Variants in CAPRIN2 observed in about 807,000 individuals in gnomAD.
CAPRIN2 encodes the protein caprin family member 2, also known as caprin-2.
Under a neutral mutation model 130.4 loss-of-function variants are expected in CAPRIN2, and 66 were observed. The ratio of observed to expected loss-of-function variants is 0.51; its 90% CI spans 0.42 to 0.62. CAPRIN2 has a LOEUF of 0.62. Among genes scored for constraint, CAPRIN2 ranks in the 20% least tolerant of loss-of-function variants. The pLI is 0.00. For synonymous variants in CAPRIN2, 471 were observed against 444.1 expected, an observed-to-expected ratio of 1.06 and a Z score of -0.76; for missense variants, 1,185 against 1,246.6, an observed-to-expected ratio of 0.95 and a Z score of 0.74.
In CAPRIN2 at chr12:30,720,912, T is replaced by A; in HGVS notation, c.2047A>T (p.Thr683Ser). The A allele has an allele frequency of 1.2e-6, 2 of 1,605,324 alleles. No homozygotes were observed. Among genetic ancestry groups the A allele is most frequent in the Non-Finnish European group, 1.7e-6 (2 of 1,172,106 alleles). The change falls in exon 12 of 17, where the codon ACT becomes TCT. Residue 683 changes from threonine to serine, a missense_variant. Coordinates refer to ENST00000298892, the Ensembl canonical transcript of CAPRIN2. Reference sequence around the variant, plus strand: ...GAGCTACAAGTAACTGGAGAAGAAGTAGCCTAGACACAGGAAAATACAAAA... The same window carrying A: ...GAGCTACAAGTAACTGGAGAAGAAGAAGCCTAGACACAGGAAAATACAAAA...
chr12:30,743,251 T>C (rs182113571), intron 2 of CAPRIN2, among the ~76,000 whole-genome samples: 28 of 152,028 alleles, frequency 1.8e-4, no homozygotes, highest in African/African-American at 6.7e-4. Context: ...GATGCTTAAA[T>C]CAGCATTTTA....
rs1179866374 is a variant in CAPRIN2 at position 30,720,804 on chromosome 12, C to T, written c.2148+7G>A. The T allele has an allele frequency of 3.2e-6, 5 of 1,539,182 alleles. No individual in the cohort carries two copies. The South Asian group carries it at 5.6e-5, about 17-fold the overall frequency. On this transcript the variant is annotated splice_region_variant and intron_variant, in intron 12 of 16. Coordinates refer to ENST00000298892, the Ensembl canonical transcript of CAPRIN2. ...TACAAAAGAAATTAAGACAATTGGT[C>T]TTTTACCTCAGGAGTCTCTGAGGTC... is the stretch of plus-strand genomic sequence containing the variant.
chr12:30,709,870 C>G, exon 17 of CAPRIN2: 2 of 1,565,118 alleles, frequency 1.3e-6, no homozygotes, highest in Non-Finnish European at 8.7e-7. Context: ...AATTAGAACA[C>G]CATCCTTTTA....
At position 30,713,799 on chromosome 12, in the gene CAPRIN2, G is replaced by A. The variant is rs201587220; in HGVS notation, c.2587C>T (p.Pro863Ser). 771 of 1,597,344 alleles carry A rather than the reference G, an allele frequency of 4.8e-4. No homozygotes were observed. The highest frequency in any genetic ancestry group is 5.6e-4 in the Non-Finnish European group (657 of 1,165,532). Residue 863 changes from proline (P) to serine (S), a missense_variant, in exon 15 of 17, where the codon CCT becomes TCT. Coordinates refer to ENST00000298892, the Ensembl canonical transcript of CAPRIN2. ...TTCTTACTTACCCTTTGGGAATAAG[G>A]TGCTCCAGAATACTCTCTAGCTTGG... is the stretch of plus-strand genomic sequence containing the variant.
intron 11 of CAPRIN2, among the ~76,000 whole-genome samples, chr12:30,721,957 T>C (rs934660979): frequency 5.3e-5 from 8 of 152,344 alleles, no homozygotes; most frequent in Admixed American, 5.2e-4. Flanking sequence ...TTTCTAAAAC[T>C]AGGTCGTTCT....
exon 1 of CAPRIN2, chr12:30,753,487 G>T (rs1282330476): frequency 1.9e-6 from 3 of 1,614,074 alleles, no homozygotes; most frequent in Admixed American, 1.7e-5. Context: ...TCCCCATGCT[G>T]ACTGTGGTTC....
Position 30,713,846 on chromosome 12 carries a change from CCATT to C in CAPRIN2, c.2536_2539del (p.Asn846GlufsTer51). 1 of 1,610,806 alleles carries C rather than the reference CCATT, an allele frequency of 6.2e-7. No homozygotes were observed. The highest frequency in any genetic ancestry group is 8.5e-7 in the Non-Finnish European group (1 of 1,177,356). On this transcript the variant is annotated frameshift_variant, in exon 15 of 17. Transcript: ENST00000298892. LOFTEE classifies it high-confidence loss of function. ...TTGGAACTGCAGCTGGCTATAATTT[CCATT>C]GGAAATTGAAGGGAGTCCTCTATAA... is the stretch of plus-strand genomic sequence containing the variant.
chr12:30,754,042 C>G, exon 1 of CAPRIN2: 1 of 339,044 alleles, frequency 2.9e-6, no homozygotes, highest in Non-Finnish European at 5.4e-6. Context: ...GCCCTAACCT[C>G]AATCCTGAAC....
chr12:30,746,855 C>T (rs2070753098), intron 2 of CAPRIN2, among the ~76,000 whole-genome samples: 1 of 152,176 alleles, frequency 6.6e-6, no homozygotes, highest in South Asian at 2.1e-4. Flanking sequence ...TCAAGTTAGC[C>T]AGAAAGTCTA....
Position 30,710,148 on chromosome 12 carries a change from A to G in CAPRIN2, c.2988T>C (p.Val996=), listed in dbSNP as rs777431817. Residue 996 remains valine (V), a synonymous_variant, in exon 17 of 17, where the codon GTT becomes GTC. Transcript: ENST00000298892. This position sits in a 1 kb window ranked among gnomAD's most constrained non-coding sequence, Gnocchi z 4.8. The stretch of plus-strand genomic sequence containing the variant: ...CCAGCTTTAGCATGTGAAAAATGAA[A>G]ACGTAAGTGCCATTCACTGGGCAAT... 4 of 1,614,132 alleles carry G rather than the reference A, an allele frequency of 2.5e-6. No homozygotes were observed. Among genetic ancestry groups the G allele is most frequent in the Non-Finnish European group, 3.4e-6 (4 of 1,180,034 alleles).
chr12:30,724,388 T>C (rs1410879270), exon 10 of CAPRIN2: 6 of 1,612,080 alleles, frequency 3.7e-6, no homozygotes, highest in Non-Finnish European at 5.1e-6. Context: ...CTACCTGGAG[T>C]AGCTGAAGGC....
rs1591883926 is a variant in CAPRIN2, at chr12:30,711,466, T to C, written c.2665+100A>G. ...AAATTGAAAACCTCAACAAGATAAA[T>C]GCTAAAAAGCAATGTGCTTTGGAAA... On this transcript the variant is annotated intron_variant, in intron 16 of 16. Transcript: ENST00000298892. 8 of 929,748 alleles carry C rather than the reference T, an allele frequency of 8.6e-6. No individual in the cohort carries two copies. The Admixed American group carries it at 9.3e-5, about 11-fold the overall frequency. 57.6% of individuals were successfully genotyped at this position (929,748 alleles called of 1,614,324 possible). A position where few individuals can be genotyped will look rare whatever the true frequency, so the allele number is the denominator to read the frequency against.
chr12:30,752,980 C>T (rs569041943), intron 1 of CAPRIN2, among the ~76,000 whole-genome samples: 54 of 152,300 alleles, frequency 3.5e-4, no homozygotes, highest in Admixed American at 2.6e-3. Flanking sequence ...AGCAGTTATA[C>T]TGCAATATCA....
At chr12:30,743,719 A>C (rs1462190987) in intron 2 of CAPRIN2, among the ~76,000 whole-genome samples, 1 of 152,214 alleles carries the variant, frequency 6.6e-6, no homozygotes, top group East Asian at 1.9e-4. Flanking sequence ...TAAAGCACTC[A>C]GAATGATGCC....
intron 12 of CAPRIN2, 124 bp from the exon 14 acceptor site, chr12:30,719,349 A>C: frequency 1.9e-6 from 2 of 1,069,516 alleles, no homozygotes; most frequent in Non-Finnish European, 2.7e-6. Flanking sequence ...ACAGGAATGC[A>C]AAAGAATAGC....
At chr12:30,748,423 T>C (rs2071837215) in intron 2 of CAPRIN2, among the ~76,000 whole-genome samples, 1 of 152,258 alleles carries the variant, frequency 6.6e-6, no homozygotes, top group African/African-American at 2.4e-5. Flanking sequence ...CAGATGACTA[T>C]TAGCATTTTT....
Position 30,730,250 on chromosome 12 carries a change from G to A in CAPRIN2, c.1093C>T (p.Gln365Ter), listed in dbSNP as rs148479179. Residue 365 changes from glutamine (Q) to a stop codon, truncating the protein, a stop_gained, in exon 7 of 17, where the codon CAA becomes TAA. Transcript: ENST00000298892. LOFTEE classifies it high-confidence loss of function. ...TTTCAGTATCTTACCTCTTGTGGTT[G>A]TATCTCTGGCTGGGCAAATTCCATT... 2 of 1,611,140 alleles carry A rather than the reference G, an allele frequency of 1.2e-6. No individual in the cohort carries two copies. The highest frequency in any genetic ancestry group is 8.5e-7 in the Non-Finnish European group (1 of 1,177,434).
intron 5 of CAPRIN2, among the ~76,000 whole-genome samples, chr12:30,732,101 G>C (rs1436716921): frequency 6.6e-6 from 1 of 151,966 alleles, no homozygotes; most frequent in African/African-American, 2.4e-5. Flanking sequence ...AAACTCTGAA[G>C]TATTTTTCAA....
intron 2 of CAPRIN2, among the ~76,000 whole-genome samples, chr12:30,749,055 C>T (rs191805953): frequency 7.9e-4 from 120 of 152,202 alleles, no homozygotes; most frequent in African/African-American, 2.8e-3. Context: ...GAACAGATCT[C>T]ACTGTGGGTA....
Sources: gnomAD v4.1 joint callset for allele counts (sites outside exome capture counted in the v4.1 genomes callset) on GRCh38, gnomAD v4.1.1 for gene constraint, Gnocchi (gnomAD v3.1) non-coding constraint, MANE v1.5 for transcripts, NCBI Gene and HGNC (gene_info 2026-07-23, HGNC 2026-07-21) for gene names.